HK1: variants seen among roughly 807,000 people sequenced by gnomAD.
HK1 encodes hexokinase 1.
A neutral mutation model predicts 91.6 loss-of-function variants in HK1; 28 were observed. That is an observed-to-expected ratio of 0.31 (90% CI 0.23 to 0.42). The LOEUF is 0.42. Ranked by LOEUF, HK1 falls within the 10% of genes least tolerant of loss-of-function variation. The probability of loss-of-function intolerance (pLI) is 1.00; values close to 1 mark genes in which losing one functional copy is unlikely to be tolerated. For missense variants in HK1, 770 were observed against 1,219.8 expected (o/e 0.63, Z 5.49); for synonymous variants, 430 against 468.1 (o/e 0.92, Z 1.05).
At chr10:69,322,304 C>T (rs1306372090) in intron 1 of HK1, among the ~76,000 whole-genome samples, 1 of 152,098 alleles carries the variant, frequency 6.6e-6, no homozygotes, top group Non-Finnish European at 1.5e-5. Context: ...TTTCTTTCCT[C>T]ATTGCCTTGA....
At position 69,382,474 on chromosome 10, in the gene HK1, C is replaced by G. The variant is rs114482373; in HGVS notation, c.1266-13C>G. On this transcript the variant is annotated splice_polypyrimidine_tract_variant and intron_variant, in intron 9 of 17. Transcript: ENST00000359426. ...GTCCAGCTGTTGTGGAATGTCCCCC[C>G]TGCCCCCATAAGGTATTCCCGGCGT... is the stretch of plus-strand genomic sequence containing the variant. The G allele has an allele frequency of 6.2e-7, 1 of 1,614,074 alleles. No individual in the cohort carries two copies.
chr10:69,351,991 TTCAA>T (rs1424090678), intron 2 of HK1, among the ~76,000 whole-genome samples: 5 of 144,230 alleles, frequency 3.5e-5, no homozygotes, highest in African/African-American at 8.2e-5. Context: ...TTTCAGTTAT[TTCAA>T]TTTTTTTTTT....
At chr10:69,354,436 A>G (rs1564535696) in intron 2 of HK1, among the ~76,000 whole-genome samples, 1 of 152,170 alleles carries the variant, frequency 6.6e-6, no homozygotes, top group Non-Finnish European at 1.5e-5. Context: ...AAGCGGCAGG[A>G]AGGAGAAGTG....
chr10:69,342,665 C>G (rs1848351535), intron 1 of HK1, among the ~76,000 whole-genome samples: 1 of 152,102 alleles, frequency 6.6e-6, no homozygotes, highest in African/African-American at 2.4e-5. Flanking sequence ...GAGGCTGATG[C>G]TGCAGTGGTG....
intron 16 of HK1, among the ~76,000 whole-genome samples, chr10:69,396,270 C>CAAAA (rs1307475339): frequency 1.6e-5 from 1 of 62,844 alleles, no homozygotes; most frequent in African/African-American, 4.8e-5. Flanking sequence ...GACTCTGTCT[C>CAAAA]AAAAAAAAAA....
At chr10:69,382,427 G>A (rs4746846) in intron 9 of HK1, 60 bp from the exon 10 acceptor site, 361,685 of 1,531,398 alleles carry the variant, frequency 0.24, 47,329 homozygotes, top group East Asian at 0.56. Context: ...AAGGGTGGCC[G>A]GAGGTCCCCA....
In HK1 at chr10:69,278,132, C is replaced by A. The variant is rs1418365048; in HGVS notation, c.-390-4397C>A. 2.6e-5 allele frequency among the ~76,000 whole-genome samples: 4 copies of A among 152,040 alleles called. No homozygotes were observed. The East Asian group carries it at 7.7e-4, about 29-fold the overall frequency. On this transcript the variant is annotated intron_variant, in intron 1 of 21. Transcript: ENST00000360289. Reference sequence around the variant, plus strand: ...GATGGTAGGGTTAGGACTGAGGGGGCAGAGGAAATGAGACTGACATTTCCT... The same window carrying A: ...GATGGTAGGGTTAGGACTGAGGGGGAAGAGGAAATGAGACTGACATTTCCT...
intron 3 of HK1, among the ~76,000 whole-genome samples, chr10:69,362,433 TG>T (rs777392783): frequency 4.2e-5 from 6 of 143,008 alleles, no homozygotes; most frequent in South Asian, 4.4e-4. Flanking sequence ...GAGAAAATAA[TG>T]TTTTTTTTTT....
chr10:69,356,624 C>T (rs1849144114), intron 2 of HK1, among the ~76,000 whole-genome samples: 1 of 152,138 alleles, frequency 6.6e-6, no homozygotes, highest in South Asian at 2.1e-4. Flanking sequence ...GTGGCTCACG[C>T]CTGTGATCCC....
At chr10:69,299,693 A>G (rs1204814765) in intron 4 of HK1, among the ~76,000 whole-genome samples, 1 of 130,508 alleles carries the variant, frequency 7.7e-6, no homozygotes, top group African/African-American at 3.0e-5. Flanking sequence ...ATGGAGTCTC[A>G]CTCTGTTGCC....
At chr10:69,281,896 A>G (rs903311049) in intron 1 of HK1, among the ~76,000 whole-genome samples, 5 of 152,190 alleles carry the variant, frequency 3.3e-5, no homozygotes, top group African/African-American at 1.2e-4. Context: ...TCTGGTGCCA[A>G]CCAGAGGTTT....
chr10:69,318,951 A>G lies in HK1; in HGVS notation c.4A>G (p.Ile2Val). M[I>V]AAQLLAYYFT... ...CCCCGCGACCCCGACCGCCAGCATGATCGCCGCGCAGCTCCTGGCCTATTA... is the reference window on the plus strand; with the variant it reads ...CCCCGCGACCCCGACCGCCAGCATGGTCGCCGCGCAGCTCCTGGCCTATTA... Residue 2 changes from isoleucine to valine, a missense_variant, in exon 1 of 18, where the codon ATC becomes GTC. Coordinates refer to ENST00000359426, the MANE Select transcript of HK1 (RefSeq NM_000188.3). 6.3e-7 allele frequency: 1 copy of G among 1,595,862 alleles called. No homozygotes were observed. The highest frequency in any genetic ancestry group is 8.5e-7 in the Non-Finnish European group (1 of 1,172,458).
chr10:69,326,604 A>G (rs1847391386), intron 1 of HK1, among the ~76,000 whole-genome samples: 1 of 152,202 alleles, frequency 6.6e-6, no homozygotes, highest in African/African-American at 2.4e-5. Flanking sequence ...CTGTATTTTA[A>G]TACTGTCCCC....
intron 1 of HK1, among the ~76,000 whole-genome samples, chr10:69,325,044 A>ATTTTCTTTTT (rs1847249116): frequency 1.1e-5 from 1 of 93,906 alleles, no homozygotes; most frequent in African/African-American, 4.3e-5. Flanking sequence ...AAAAATGTGT[A>ATTTTCTTTTT]TTTTTTTTTT....
upstream of HK1, among the ~76,000 whole-genome samples, chr10:69,314,536 G>GT (rs1439597402): frequency 6.6e-6 from 1 of 152,114 alleles, no homozygotes; most frequent in Non-Finnish European, 1.5e-5. Flanking sequence ...CTTAATTTTC[G>GT]TTTTTTCGCT....
At chr10:69,322,272 G>T (rs1847078366) in intron 1 of HK1, among the ~76,000 whole-genome samples, 2 of 152,146 alleles carry the variant, frequency 1.3e-5, no homozygotes. Flanking sequence ...TCCACTAGTA[G>T]GTGATCATGA....
intron 1 of HK1, among the ~76,000 whole-genome samples, chr10:69,270,830 C>T (rs1459278433): frequency 6.6e-6 from 1 of 152,190 alleles, no homozygotes; most frequent in Admixed American, 6.5e-5. Context: ...GACTTGGGTT[C>T]CATTCTTCCT....
In HK1 at chr10:69,368,500, C is replaced by A. The variant is rs202005105; in HGVS notation, c.496-36C>A. On this transcript the variant is annotated intron_variant, in intron 4 of 17. Transcript: ENST00000359426. ...GGGCCTTGGGGTGCTGGAGGCCTCC[C>A]AGCCCTCATCCAGCCCCATCCATTC... The A allele has an allele frequency of 2.0e-5, 31 of 1,569,012 alleles. 1 individual carries two copies. The highest frequency in any genetic ancestry group is 3.3e-5 in the South Asian group (3 of 90,182).
intron 1 of HK1, among the ~76,000 whole-genome samples, chr10:69,272,987 T>C (rs1844246835): frequency 6.6e-6 from 1 of 151,816 alleles, no homozygotes; most frequent in Admixed American, 6.6e-5. Flanking sequence ...CATTTTTTTT[T>C]TCTCTGTGCT....
Sources: allele counts gnomAD v4.1 joint callset (sites outside exome capture counted in the v4.1 genomes callset), GRCh38; gene constraint gnomAD v4.1.1; transcripts MANE v1.5; gene names NCBI Gene and HGNC (gene_info 2026-07-23, HGNC 2026-07-21).